Variants in CPT1A observed in about 807,000 individuals in gnomAD.
CPT1A encodes the protein carnitine O-palmitoyltransferase 1, liver isoform.
Under a neutral mutation model 100.8 loss-of-function variants are expected in CPT1A, and 64 were observed. The ratio of observed to expected loss-of-function variants is 0.63; its 90% confidence interval spans 0.52 to 0.78. CPT1A has a LOEUF of 0.78. Among genes scored for constraint, CPT1A ranks in the 30% least tolerant of loss-of-function variants. The probability of loss-of-function intolerance (pLI) is 0.00; values close to 1 mark genes in which losing one functional copy is unlikely to be tolerated. For missense variants in CPT1A, 802 were observed against 1,034.1 expected (o/e 0.78, Z 3.08); for synonymous variants, 363 against 396.0 (o/e 0.92, Z 0.99).
intron 3 of CPT1A, among the ~76,000 whole-genome samples, chr11:68,810,766 C>A (rs1444644670): frequency 2.6e-5 from 4 of 152,142 alleles, no homozygotes; most frequent in African/African-American, 4.8e-5. Context: ...GAGTGGACCA[C>A]CTGAGGTCAA....
At chr11:68,794,742 G>A in intron 8 of CPT1A, 62 bp downstream of exon 8, 1 of 1,344,842 alleles carries the variant, frequency 7.4e-7, no homozygotes, top group Non-Finnish European at 1.1e-6. Context: ...TGTGCAATAT[G>A]TCAATTATAC....
Position 68,807,933 on chromosome 11 carries a change from C to T in CPT1A, c.282-295G>A, listed in dbSNP as rs1178449853. Reference sequence around the variant, plus strand: ...CCTTCAGCCCGATCTGCTCGGGTGGCCTCGAAACCAACCAGGGCTAATTTG... The same window carrying T: ...CCTTCAGCCCGATCTGCTCGGGTGGTCTCGAAACCAACCAGGGCTAATTTG... On this transcript the variant is annotated intron_variant, in intron 3 of 18. Transcript: ENST00000265641. 1.3e-5 allele frequency among the ~76,000 whole-genome samples: 2 copies of T among 152,360 alleles called. 1 individual carries two copies. Among genetic ancestry groups the T allele is most frequent in the African/African-American group, 4.8e-5 (2 of 41,584 alleles).
At chr11:68,836,201 C>T (rs1566393105) in intron 1 of CPT1A, among the ~76,000 whole-genome samples, 1 of 152,300 alleles carries the variant, frequency 6.6e-6, no homozygotes, top group African/African-American at 2.4e-5. Context: ...GGAAGCCCGG[C>T]GTGGTGGCTC....
chr11:68,759,832 AG>A (rs1293994496), intron 17 of CPT1A, among the ~76,000 whole-genome samples, 171 bp from the exon 18 acceptor site: 1 of 151,918 alleles, frequency 6.6e-6, no homozygotes, highest in Non-Finnish European at 1.5e-5. Flanking sequence ...GTTCGAGACC[AG>A]CCCGGACAAC....
chr11:68,764,749 G>C (rs1386511686), intron 14 of CPT1A, among the ~76,000 whole-genome samples: 1 of 152,254 alleles, frequency 6.6e-6, no homozygotes, highest in Non-Finnish European at 1.5e-5. Flanking sequence ...GAAGCGTCCA[G>C]AACCAGTGAA....
chr11:68,784,554 T>G (rs999575758), intron 10 of CPT1A, among the ~76,000 whole-genome samples: 19 of 152,212 alleles, frequency 1.2e-4, no homozygotes, highest in African/African-American at 4.3e-4. Context: ...AGCCTAATTC[T>G]AATCCTCACT....
intron 1 of CPT1A, chr11:68,839,752 G>A: frequency 2.0e-6 from 2 of 980,852 alleles, no homozygotes; most frequent in Non-Finnish European, 2.4e-6. Context: ...CTCGGGGCCA[G>A]GGTTGGGTAA....
chr11:68,840,720 T>C (rs1347641791), intron 1 of CPT1A, among the ~76,000 whole-genome samples: 1 of 152,142 alleles, frequency 6.6e-6, no homozygotes, highest in South Asian at 2.1e-4. Flanking sequence ...CGGATTTACA[T>C]TATAAAGACG....
downstream of CPT1A, chr11:68,754,858 A>T: frequency 1.3e-6 from 1 of 780,956 alleles, no homozygotes; most frequent in Non-Finnish European, 2.4e-6. Context: ...TCCCCTTAAT[A>T]TAACAAAAGA....
intron 9 of CPT1A, among the ~76,000 whole-genome samples, chr11:68,791,468 T>C (rs1855609933): frequency 6.6e-6 from 1 of 152,202 alleles, no homozygotes. Context: ...TGGACGACAG[T>C]GTGTGGCAGG....
chr11:68,778,969 A>G (rs1371316084), intron 12 of CPT1A, among the ~76,000 whole-genome samples: 1 of 151,980 alleles, frequency 6.6e-6, no homozygotes, highest in Non-Finnish European at 1.5e-5. Flanking sequence ...TATTTTTAGT[A>G]GAGACGGGGT....
Position 68,759,681 on chromosome 11 carries a change from G to A in CPT1A, c.2143-20C>T. 1 of 1,561,760 alleles carries A rather than the reference G, an allele frequency of 6.4e-7. No homozygotes were observed. Among genetic ancestry groups the A allele is most frequent in the Non-Finnish European group, 8.8e-7 (1 of 1,132,534 alleles). ...AGCAACCTGGAGGACAAGGGAATTTGAATTTGTTGCTGGGAAATGAGACAA... is the reference window on the plus strand; with the variant it reads ...AGCAACCTGGAGGACAAGGGAATTTAAATTTGTTGCTGGGAAATGAGACAA... On this transcript the variant is annotated intron_variant, in intron 17 of 18. Coordinates refer to ENST00000265641, the MANE Select transcript of CPT1A (RefSeq NM_001876.4).
At chr11:68,804,512 T>TGGGA (rs1243327462) in intron 4 of CPT1A, among the ~76,000 whole-genome samples, 7 of 152,032 alleles carry the variant, frequency 4.6e-5, no homozygotes, top group African/African-American at 1.7e-4. Flanking sequence ...TGATTGAGCC[T>TGGGA]GGGAGGGTGA....
chr11:68,768,106 C>T (rs1448067086), intron 14 of CPT1A, among the ~76,000 whole-genome samples: 2 of 103,584 alleles, frequency 1.9e-5, no homozygotes, highest in African/African-American at 4.2e-5. Context: ...GAGGGAGTCT[C>T]GCACTGTCAC....
At chr11:68,773,653 A>T in intron 13 of CPT1A, 1 of 604,210 alleles carries the variant, frequency 1.7e-6, no homozygotes, top group Middle Eastern at 4.8e-4. Flanking sequence ...TGACATGAGC[A>T]GGCCAGGAGA....
chr11:68,797,056 CAG>C (rs1343747009), intron 6 of CPT1A, 123 bp from the exon 7 acceptor site: 2 of 842,292 alleles, frequency 2.4e-6, no homozygotes, highest in African/African-American at 3.4e-5. Flanking sequence ...CGGCGTCTAA[CAG>C]GGGCCATTCC....
At chr11:68,814,717 C>T (rs946430234) in intron 2 of CPT1A, among the ~76,000 whole-genome samples, 2 of 152,016 alleles carry the variant, frequency 1.3e-5, no homozygotes, top group African/African-American at 2.4e-5. Flanking sequence ...GACAAAGTCT[C>T]GCTCTGTTGC....
intron 1 of CPT1A, among the ~76,000 whole-genome samples, chr11:68,816,923 GTGGGT>G (rs1484137779): frequency 1.9e-4 from 20 of 104,434 alleles, no homozygotes; most frequent in African/African-American, 6.3e-4. Context: ...TGGTGTGTGT[GTGGGT>G]GTGTGTGTGG....
chr11:68,810,539 C>G (rs1450254674), intron 3 of CPT1A, among the ~76,000 whole-genome samples: 1 of 152,216 alleles, frequency 6.6e-6, no homozygotes, highest in Non-Finnish European at 1.5e-5. Flanking sequence ...CTCGATGACT[C>G]TGGAGGGTCC....
Sources: gnomAD v4.1 joint callset for allele counts (sites outside exome capture counted in the v4.1 genomes callset) on GRCh38, gnomAD v4.1.1 for gene constraint, MANE v1.5 for transcripts, NCBI Gene and HGNC (gene_info 2026-07-23, HGNC 2026-07-21) for gene names.